The following MID1 variants were observed in gnomAD, a reference collection of about 807,000 sequenced individuals.
The protein encoded by MID1 is E3 ubiquitin-protein ligase Midline-1.
A neutral mutation model predicts 40.4 loss-of-function variants in MID1; 7 were observed. The observed-to-expected ratio is 0.17, with a 90% confidence interval of 0.10 to 0.33. MID1 has a LOEUF of 0.33. MID1 is among the 10% of genes least tolerant of loss of function. The pLI is 1.00. For synonymous variants in MID1, 229 were observed against 221.2 expected (o/e 1.04, Z -0.31); for missense variants, 367 against 558.5 (o/e 0.66, Z 3.46).
chrX:10,469,502 T>A, intron 7 of MID1, 195 bp downstream of exon 7: 1 of 1,151,141 alleles, frequency 8.7e-7, no homozygotes. Flanking sequence ...TCATTAATTT[T>A]CATCAATATT....
chrX:10,827,448 TC>T (rs1182516025), intron 1 of MID1, among the ~76,000 whole-genome samples: 1 of 55,361 alleles, frequency 1.8e-5, no homozygotes, highest in East Asian at 6.2e-4. Flanking sequence ...GCTCCCCCCG[TC>T]CCCCCCACCC....
intron 1 of MID1, among the ~76,000 whole-genome samples, chrX:10,579,504 C>G (rs780037408): frequency 1.4e-4 from 16 of 111,888 alleles, no homozygotes; most frequent in African/African-American, 5.2e-4. Context: ...AGTCTCGTGA[C>G]TCATGGAGGT....
Position 10,753,791 on chromosome X carries a change from G to A in MID1, c.-187+79763C>T, listed in dbSNP as rs996501852. ...ATATCCACATCTAGAAAATAGTGAT[G>A]CATGTATTGGTAGGTGGCAAACTGG... On this transcript the variant is annotated intron_variant, in intron 1 of 10. Transcript: ENST00000380785. Among the ~76,000 whole-genome samples the A allele has an allele frequency of 4.5e-5, 5 of 112,234 alleles. No individual in the cohort carries two copies. The East Asian group carries it at 1.1e-3, about 25-fold the overall frequency.
At chrX:10,493,029 T>A (rs1179099574) in intron 4 of MID1, among the ~76,000 whole-genome samples, 2 of 111,693 alleles carry the variant, frequency 1.8e-5, no homozygotes, top group African/African-American at 6.5e-5. Flanking sequence ...CAGGAAGTTG[T>A]GGTGGAGTGC....
intron 1 of MID1, among the ~76,000 whole-genome samples, chrX:10,697,612 A>G (rs945101086): frequency 1.7e-4 from 19 of 111,811 alleles, no homozygotes; most frequent in African/African-American, 5.9e-4. Flanking sequence ...TTAAAAGCAC[A>G]TAAGATTTTT....
chrX:10,817,253 T>C (rs2044141527), intron 1 of MID1, among the ~76,000 whole-genome samples: 1 of 112,424 alleles, frequency 8.9e-6, no homozygotes, highest in African/African-American at 3.2e-5. Flanking sequence ...ATATGAAGGA[T>C]GGGAAATGCT....
intron 1 of MID1, among the ~76,000 whole-genome samples, chrX:10,593,922 C>G (rs917847086): frequency 9.0e-6 from 1 of 111,154 alleles, no homozygotes; most frequent in African/African-American, 3.3e-5. Flanking sequence ...ACTGAGCACA[C>G]AGTAGGGTTT....
chrX:10,459,548 G>A (rs1928895362), intron 8 of MID1, 98 bp downstream of exon 8: 4 of 973,431 alleles, frequency 4.1e-6, no homozygotes, highest in Non-Finnish European at 5.8e-6. Flanking sequence ...GGCTGTCAAT[G>A]ATACCCAAGA....
rs948397671 is a variant in MID1 at position 10,600,724 on chromosome X, C to T, written c.-57+19566G>A. ...TTAAATTCCAGATTTAAGAGACTTG[C>T]GTGTTGAAAAGCTTTTCTCTTTCTG... On this transcript the variant is annotated intron_variant, in intron 1 of 9. Transcript: ENST00000317552. Among the ~76,000 whole-genome samples, 13 of 111,989 alleles carry T rather than the reference C, an allele frequency of 1.2e-4. No individual in the cohort carries two copies. In the Middle Eastern group the frequency reaches 0.014, roughly 120 times the overall value.
intron 3 of MID1, among the ~76,000 whole-genome samples, chrX:10,516,218 G>A (rs1332876295): frequency 2.3e-5 from 2 of 86,383 alleles, no homozygotes; most frequent in East Asian, 3.4e-4. Flanking sequence ...TTTTTGAGAC[G>A]GAGTCTCGCT....
chrX:10,680,892 C>T (rs1425701191), intron 1 of MID1, among the ~76,000 whole-genome samples: 2 of 108,931 alleles, frequency 1.8e-5, no homozygotes, highest in African/African-American at 3.3e-5. Context: ...AAAAAATGCA[C>T]TGGGTGTGGT....
intron 1 of MID1, among the ~76,000 whole-genome samples, chrX:10,762,036 G>A (rs2043682452): frequency 9.0e-6 from 1 of 111,555 alleles, no homozygotes; most frequent in Admixed American, 9.5e-5. Context: ...TCAGAACTTC[G>A]ATGTTTGCAC....
At chrX:10,676,725 G>A (rs1326871679) in intron 1 of MID1, among the ~76,000 whole-genome samples, 1 of 111,305 alleles carries the variant, frequency 9.0e-6, no homozygotes, top group East Asian at 2.8e-4. Flanking sequence ...GCCTCTCCTG[G>A]GGAGCTAGGA....
chrX:10,599,484 A>C (rs188427238), intron 1 of MID1, among the ~76,000 whole-genome samples: 59 of 112,553 alleles, frequency 5.2e-4, no homozygotes, highest in African/African-American at 1.8e-3. Flanking sequence ...GGGAAACAGA[A>C]ACAGTGATGA....
chrX:10,504,737 C>T (rs188685079), intron 3 of MID1, among the ~76,000 whole-genome samples: 10 of 109,430 alleles, frequency 9.1e-5, no homozygotes, highest in Admixed American at 2.9e-4. Context: ...AACATTCTTC[C>T]GTGGTACAGA....
At chrX:10,625,997 T>G (rs1376276797) in intron 1 of MID1, among the ~76,000 whole-genome samples, 1 of 111,260 alleles carries the variant, frequency 9.0e-6, no homozygotes, top group Non-Finnish European at 1.9e-5. Flanking sequence ...GTTAGGACTC[T>G]GGGGGAAAAA....
At chrX:10,767,039 G>A (rs1455723409) in intron 1 of MID1, among the ~76,000 whole-genome samples, 1 of 111,470 alleles carries the variant, frequency 9.0e-6, no homozygotes, top group Admixed American at 9.6e-5. Flanking sequence ...CAGCCTCTAT[G>A]TCCCACATTT....
At chrX:10,634,817 G>C (rs1936091672) in intron 1 of MID1, among the ~76,000 whole-genome samples, 1 of 112,362 alleles carries the variant, frequency 8.9e-6, no homozygotes, top group Non-Finnish European at 1.9e-5. Flanking sequence ...TGTTCTTGGT[G>C]TGTTTAATAA....
chrX:10,530,532 G>A (rs775466540), intron 2 of MID1, among the ~76,000 whole-genome samples: 4 of 112,221 alleles, frequency 3.6e-5, no homozygotes, highest in African/African-American at 6.5e-5. Context: ...TATGCAAAAA[G>A]GGTGATTAAT....
Sources: gnomAD v4.1 joint callset for allele counts (sites outside exome capture counted in the v4.1 genomes callset) on GRCh38, gnomAD v4.1.1 for gene constraint, MANE v1.5 for transcripts, NCBI Gene and HGNC (gene_info 2026-07-23, HGNC 2026-07-21) for gene names.